The following ELOVL6 variants were observed in gnomAD, a reference collection of about 807,000 sequenced individuals.
The protein encoded by ELOVL6 is very long chain fatty acid elongase 6.
In ELOVL6, 8 loss-of-function variants were observed where a neutral mutation model predicts 31.7. The observed-to-expected ratio is 0.25, with a 90% CI of 0.15 to 0.45. The LOEUF (loss-of-function observed/expected upper bound fraction) is 0.45, where lower values mean the gene tolerates loss of function less well. Among genes scored for constraint, ELOVL6 ranks in the 20% least tolerant of loss-of-function variants. ELOVL6 has a pLI of 1.00. For synonymous variants in ELOVL6, 101 were observed against 117.7 expected, an observed-to-expected ratio of 0.86 and a Z score of 0.92; for missense variants, 126 against 326.4, an observed-to-expected ratio of 0.39 and a Z score of 4.73.
chr4:110,082,788 T>C (rs998410522), intron 2 of ELOVL6, among the ~76,000 whole-genome samples: 56 of 152,294 alleles, frequency 3.7e-4, no homozygotes, highest in African/African-American at 1.3e-3. Context: ...CTTCTCAGGG[T>C]GCTTTTCTCA....
Position 110,198,441 on chromosome 4 carries a change from CT to C in ELOVL6, c.-107del, listed in dbSNP as rs1759885658. ...CTGTCTGCTTCCCCCACCCACCCCC[CT>C]AGGTCTTCCCCACGCCGCTCGGTCT... is the stretch of plus-strand genomic sequence containing the variant. On this transcript the variant is annotated 5_prime_UTR_variant, in exon 1 of 4. Coordinates refer to ENST00000302274, the MANE Select transcript of ELOVL6 (RefSeq NM_024090.3). 2 of 698,088 alleles carry C rather than the reference CT, an allele frequency of 2.9e-6. No homozygotes were observed. The highest frequency in any genetic ancestry group is 1.8e-5 in the African/African-American group (1 of 55,924). 43.2% of individuals were successfully genotyped at this position (698,088 alleles called of 1,614,324 possible).
chr4:110,123,068 C>A (rs1757398136), intron 1 of ELOVL6, among the ~76,000 whole-genome samples: 1 of 152,158 alleles, frequency 6.6e-6, no homozygotes, highest in East Asian at 1.9e-4. Flanking sequence ...TCTTACTCAA[C>A]TTTGTATGCC....
rs753318937 is a variant in ELOVL6 at position 110,107,161 on chromosome 4, C to T, written c.90-1533G>A. Among the ~76,000 whole-genome samples the T allele has an allele frequency of 1.2e-3, 186 of 152,194 alleles. 4 individuals are homozygous for T. Among genetic ancestry groups the T allele is most frequent in the Admixed American group, 1.4e-3 (21 of 15,280 alleles). On this transcript the variant is annotated intron_variant, in intron 1 of 3. Coordinates refer to ENST00000302274, the MANE Select transcript of ELOVL6 (RefSeq NM_024090.3). ...GACTCATAAGGGACCTTGCTATTTACACAAGCAGCTTTCCTATGTAAATGA... is the reference window on the plus strand; with the variant it reads ...GACTCATAAGGGACCTTGCTATTTATACAAGCAGCTTTCCTATGTAAATGA...
intron 1 of ELOVL6, among the ~76,000 whole-genome samples, chr4:110,191,890 A>G (rs1759632697): frequency 2.0e-5 from 3 of 152,108 alleles, no homozygotes; most frequent in Non-Finnish European, 4.4e-5. Flanking sequence ...TCCACTATCT[A>G]AGCTGAAAGA....
intron 1 of ELOVL6, among the ~76,000 whole-genome samples, chr4:110,126,735 A>C (rs1053735662): frequency 6.6e-6 from 1 of 152,210 alleles, no homozygotes; most frequent in Non-Finnish European, 1.5e-5. Flanking sequence ...TTCTGAATCC[A>C]GAAGAGTAAC....
At position 110,198,591 on chromosome 4, in the gene ELOVL6, GA is replaced by G; in HGVS notation, c.-257del. On this transcript the variant is annotated 5_prime_UTR_variant, in exon 1 of 4. Transcript: ENST00000302274. Reference sequence around the variant, plus strand: ...CCGGCGTCCGCATCCACCGTAGGAGGAAATGAATGCCTTGCGGTCTTAGTGC... The same window carrying G: ...CCGGCGTCCGCATCCACCGTAGGAGGAATGAATGCCTTGCGGTCTTAGTGC... The G allele has an allele frequency of 2.3e-6, 1 of 443,150 alleles. No homozygotes were observed. The highest frequency in any genetic ancestry group is 4.0e-6 in the Non-Finnish European group (1 of 249,452). The allele number at this position is 443,150 out of a possible 1,614,324, so 27.5% of individuals were successfully genotyped here.
chr4:110,173,836 G>C (rs1759023650), intron 1 of ELOVL6, among the ~76,000 whole-genome samples: 1 of 151,728 alleles, frequency 6.6e-6, no homozygotes, highest in Non-Finnish European at 1.5e-5. Context: ...CTACTTGATG[G>C]AGGAGGTTGG....
chr4:110,084,557 C>CTTTTT (rs1756169099), intron 2 of ELOVL6, among the ~76,000 whole-genome samples: 2 of 62,220 alleles, frequency 3.2e-5, no homozygotes, highest in African/African-American at 2.1e-4. Flanking sequence ...CACACACACA[C>CTTTTT]ACACAGATAT....
At position 110,172,673 on chromosome 4, in the gene ELOVL6, T is replaced by C. The variant is rs866119269; in HGVS notation, c.89+25574A>G. Among the ~76,000 whole-genome samples the C allele has an allele frequency of 2.0e-5, 3 of 152,234 alleles. No homozygotes were observed. In the South Asian group the frequency reaches 6.2e-4, roughly 32 times the overall value. The stretch of plus-strand genomic sequence containing the variant: ...AATACCCTTCTTCTTAAGAAACGTC[T>C]TTTTGAGATCTGATTTTACTTAGTT... On this transcript the variant is annotated intron_variant, in intron 1 of 3. Transcript: ENST00000302274.
intron 1 of ELOVL6, among the ~76,000 whole-genome samples, chr4:110,186,201 A>G (rs1759433898): frequency 6.6e-6 from 1 of 152,072 alleles, no homozygotes; most frequent in Non-Finnish European, 1.5e-5. Context: ...AAACAAAACA[A>G]GACAAAACAA....
intron 1 of ELOVL6, among the ~76,000 whole-genome samples, chr4:110,170,791 G>A (rs553286448): frequency 6.6e-6 from 1 of 152,278 alleles, no homozygotes; most frequent in African/African-American, 2.4e-5. Flanking sequence ...TAAATAAGAT[G>A]TGTGATATTA....
In ELOVL6 at chr4:110,051,784, G is replaced by C. The variant is rs757948262; in HGVS notation, c.374-22C>G. The C allele has an allele frequency of 3.2e-5, 51 of 1,599,134 alleles. No individual in the cohort carries two copies. The highest frequency in any genetic ancestry group is 4.2e-5 in the Non-Finnish European group (49 of 1,171,752). On this transcript the variant is annotated intron_variant, in intron 3 of 3. Coordinates refer to ENST00000302274, the MANE Select transcript of ELOVL6 (RefSeq NM_024090.3). This position sits in a 1 kb window ranked among gnomAD's most constrained non-coding sequence, Gnocchi z 4.8. Reference sequence around the variant, plus strand: ...TCTCCTGGAAGACAAAGAGGAAGAAGGTACGTGAGATCCTTGACCACCAGT... The same window carrying C: ...TCTCCTGGAAGACAAAGAGGAAGAACGTACGTGAGATCCTTGACCACCAGT...
chr4:110,064,252 G>T (rs1315089429), intron 2 of ELOVL6, among the ~76,000 whole-genome samples: 2 of 151,378 alleles, frequency 1.3e-5, no homozygotes, highest in Non-Finnish European at 2.9e-5. Flanking sequence ...AGGAGGTGGG[G>T]ATCACCATCC....
intron 1 of ELOVL6, among the ~76,000 whole-genome samples, chr4:110,115,796 G>A (rs1757153339): frequency 6.6e-6 from 1 of 152,334 alleles, no homozygotes; most frequent in South Asian, 2.1e-4. Flanking sequence ...AGTTCTGGAA[G>A]TTAGAATCTG....
In ELOVL6 at chr4:110,055,413, C is replaced by T. The variant is rs114901670; in HGVS notation, c.374-3651G>A. Among the ~76,000 whole-genome samples the T allele has an allele frequency of 2.4e-3, 363 of 152,270 alleles. 2 individuals carry two copies. The highest frequency in any genetic ancestry group is 8.1e-3 in the African/African-American group (336 of 41,536). On this transcript the variant is annotated intron_variant, in intron 3 of 3. Transcript: ENST00000302274. The stretch of plus-strand genomic sequence containing the variant: ...AGCAATGGGACTTTAGACTCTCGAA[C>T]GTTTCAGTCCTGTCATTTTAGCTAC...
chr4:110,072,353 GT>G (rs1755511265), intron 2 of ELOVL6, among the ~76,000 whole-genome samples: 1 of 152,208 alleles, frequency 6.6e-6, no homozygotes, highest in Non-Finnish European at 1.5e-5. Context: ...GCACATGCCT[GT>G]AATCCCAGGT....
intron 1 of ELOVL6, among the ~76,000 whole-genome samples, chr4:110,148,388 C>T (rs187508253): frequency 8.6e-5 from 13 of 151,474 alleles, no homozygotes; most frequent in Admixed American, 6.6e-4. Flanking sequence ...GAAAGACAAA[C>T]GCTGCATCTT....
chr4:110,134,321 C>A (rs1328195002), intron 1 of ELOVL6, among the ~76,000 whole-genome samples: 1 of 152,130 alleles, frequency 6.6e-6, no homozygotes, highest in Non-Finnish European at 1.5e-5. Flanking sequence ...CTTCGATACT[C>A]CATCACTGAG....
chr4:110,190,361 G>A (rs960666483), intron 1 of ELOVL6, among the ~76,000 whole-genome samples: 4 of 152,104 alleles, frequency 2.6e-5, no homozygotes, highest in African/African-American at 4.8e-5. Flanking sequence ...ACTAAAAGTC[G>A]CAAACACTCA....
Sources: allele counts gnomAD v4.1 joint callset (sites outside exome capture counted in the v4.1 genomes callset), GRCh38; gene constraint gnomAD v4.1.1; non-coding constraint Gnocchi (gnomAD v3.1); transcripts MANE v1.5; gene names NCBI Gene and HGNC (gene_info 2026-07-23, HGNC 2026-07-21).